The following MAP3K10 variants were observed in gnomAD, a reference collection of about 807,000 sequenced individuals.
The protein encoded by MAP3K10 is MKN28 derived nonreceptor_type serine/threonine kinase.
MAP3K10 carries 22 observed loss-of-function variants against 75.0 expected under a neutral mutation model. That is an observed-to-expected ratio of 0.29 (90% CI 0.21 to 0.42). The LOEUF (loss-of-function observed/expected upper bound fraction) is 0.42, where lower values mean the gene tolerates loss of function less well. Ranked by LOEUF, MAP3K10 falls within the 10% of genes least tolerant of loss-of-function variation. The probability of loss-of-function intolerance (pLI) is 1.00; values close to 1 mark genes in which losing one functional copy is unlikely to be tolerated. For synonymous variants in MAP3K10, 599 were observed against 612.9 expected (o/e 0.98, Z 0.34); for missense variants, 1,165 against 1,379.8 (o/e 0.84, Z 2.47).
intron 1 of MAP3K10, among the ~76,000 whole-genome samples, chr19:40,195,586 C>T (rs980570914): frequency 6.7e-6 from 1 of 149,494 alleles, no homozygotes; most frequent in African/African-American, 2.5e-5. Flanking sequence ...TTCCGCCTCC[C>T]GGGTTCAAGT....
chr19:40,206,316 C>A, intron 5 of MAP3K10, 159 bp downstream of exon 5: 1 of 838,330 alleles, frequency 1.2e-6, no homozygotes, highest in Non-Finnish European at 1.7e-6. Context: ...ACTTGTAGTC[C>A]CAGCCTACTC....
chr19:40,204,796 C>T lies in MAP3K10; in HGVS notation c.1012+163C>T. On this transcript the variant is annotated intron_variant, in intron 3 of 9. Coordinates refer to ENST00000253055, the MANE Select transcript of MAP3K10 (RefSeq NM_002446.4). This position sits in a 1 kb window ranked among gnomAD's most constrained non-coding sequence, Gnocchi z 4.3. ...TAAACAGCCTCCCCATGGTTGGCTC[C>T]ATCCCCCACATCCCAGCCCTTGTTT... 1.2e-6 allele frequency: 1 copy of T among 809,234 alleles called. No individual in the cohort carries two copies. Among genetic ancestry groups the T allele is most frequent in the Non-Finnish European group, 1.9e-6 (1 of 528,730 alleles). 50.1% of individuals were successfully genotyped at this position (809,234 alleles called of 1,614,324 possible).
intron 6 of MAP3K10, among the ~76,000 whole-genome samples, chr19:40,210,084 G>A (rs1325761649): frequency 2.0e-5 from 3 of 151,654 alleles, no homozygotes; most frequent in South Asian, 4.2e-4. Context: ...TGGCTAATAC[G>A]GTGAAACCCC....
chr19:40,205,897 C>T lies in MAP3K10; in HGVS notation c.1189-14C>T. The T allele has an allele frequency of 6.6e-7, 1 of 1,524,984 alleles. No homozygotes were observed. Among genetic ancestry groups the T allele is most frequent in the Middle Eastern group, 1.8e-4 (1 of 5,532 alleles). 94.5% of individuals were successfully genotyped at this position (1,524,984 alleles called of 1,614,324 possible). ...GCTAAGCCCCTCCCCCCAGCCACCG[C>T]CTCTCCTTCCCAGGAGCTTCGGAGC... is the stretch of plus-strand genomic sequence containing the variant. On this transcript the variant is annotated splice_polypyrimidine_tract_variant and intron_variant, in intron 4 of 9. Transcript: ENST00000253055. The surrounding 1 kb of genome is among the most constrained non-coding windows in gnomAD (Gnocchi z 4.3).
At position 40,192,472 on chromosome 19, in the gene MAP3K10, G is replaced by A. The variant is rs776243520; in HGVS notation, c.441G>A (p.Arg147=). ...CGGAGCAGGTGTGCCAGGAAGCCCG[G>A]CTCTTTGGAGCCCTGCAGCACCCCA... is the stretch of plus-strand genomic sequence containing the variant. ...VTAEQVCQEA[R]LFGALQHPNI... Residue 147 remains arginine (R), a synonymous_variant, in exon 1 of 10, where the codon CGG becomes CGA. Coordinates refer to ENST00000253055, the MANE Select transcript of MAP3K10 (RefSeq NM_002446.4). This position sits in a 1 kb window ranked among gnomAD's most constrained non-coding sequence, Gnocchi z 7.1. The A allele has an allele frequency of 3.7e-6, 6 of 1,613,820 alleles. No homozygotes were observed. Among genetic ancestry groups the A allele is most frequent in the Admixed American group, 1.7e-5 (1 of 60,000 alleles).
In MAP3K10 at chr19:40,205,795, A is replaced by AC. The variant is rs1446707946; in HGVS notation, c.1189-112dup. ...ATGAGTCGGGTGGTGAAACCAGTGT[A>AC]CCCCACAGCAAGGTACCCTTGTGTG... is the stretch of plus-strand genomic sequence containing the variant. On this transcript the variant is annotated intron_variant, in intron 4 of 9. Coordinates refer to ENST00000253055, the MANE Select transcript of MAP3K10 (RefSeq NM_002446.4). This position sits in a 1 kb window ranked among gnomAD's most constrained non-coding sequence, Gnocchi z 4.3. 8.7e-7 allele frequency: 1 copy of AC among 1,149,340 alleles called. No individual in the cohort carries two copies. Among genetic ancestry groups the AC allele is most frequent in the Non-Finnish European group, 1.2e-6 (1 of 846,934 alleles). The allele number at this position is 1,149,340 out of a possible 1,614,324, so 71.2% of individuals were successfully genotyped here. A position where few individuals can be genotyped will look rare whatever the true frequency, so the allele number is the denominator to read the frequency against.
rs373985627 is a variant in MAP3K10, at chr19:40,215,366, C to T, written c.*74C>T. 1.5e-5 allele frequency: 21 copies of T among 1,371,190 alleles called. No individual in the cohort carries two copies. The South Asian group carries it at 2.4e-4, about 15-fold the overall frequency. The allele number at this position is 1,371,190 out of a possible 1,614,324, so 84.9% of individuals were successfully genotyped here. ...GGCCCTGCCCCAGCCCGCCATGCCACAAGGTGGGGGAGGCCCTGGGCAGGA... is the reference window on the plus strand; with the variant it reads ...GGCCCTGCCCCAGCCCGCCATGCCATAAGGTGGGGGAGGCCCTGGGCAGGA... On this transcript the variant is annotated 3_prime_UTR_variant, in exon 10 of 10. Coordinates refer to ENST00000253055, the MANE Select transcript of MAP3K10 (RefSeq NM_002446.4).
chr19:40,191,954 C>T lies in MAP3K10; in HGVS notation c.-78C>T. On this transcript the variant is annotated 5_prime_UTR_variant, in exon 1 of 10. Coordinates refer to ENST00000253055, the MANE Select transcript of MAP3K10 (RefSeq NM_002446.4). Reference sequence around the variant, plus strand: ...ACCCCGCAGGGACTGCCCTCCATCCCGGCCGCCGGGGCCCGCCCTCTGCAT... The same window carrying T: ...ACCCCGCAGGGACTGCCCTCCATCCTGGCCGCCGGGGCCCGCCCTCTGCAT... The T allele has an allele frequency of 1.9e-6, 2 of 1,063,050 alleles. No homozygotes were observed. The allele number at this position is 1,063,050 out of a possible 1,614,324, so 65.9% of individuals were successfully genotyped here. A position where few individuals can be genotyped will look rare whatever the true frequency, so the allele number is the denominator to read the frequency against.
chr19:40,203,388 A>G (rs558933647), intron 2 of MAP3K10, among the ~76,000 whole-genome samples: 1 of 152,254 alleles, frequency 6.6e-6, no homozygotes, highest in East Asian at 1.9e-4. Flanking sequence ...TGGGGAGACC[A>G]GGGATCTACT....
Position 40,205,384 on chromosome 19 carries a change from C to A in MAP3K10, c.1188+88C>A. 7.0e-7 allele frequency: 1 copy of A among 1,429,700 alleles called. No homozygotes were observed. Among genetic ancestry groups the A allele is most frequent in the East Asian group, 2.3e-5 (1 of 42,758 alleles). 88.6% of individuals were successfully genotyped at this position (1,429,700 alleles called of 1,614,324 possible). ...TGCTCAGAGACTCCTCCCCTGAACC[C>A]CAGCCTTTGGGTCCATGCAGGGTCA... On this transcript the variant is annotated intron_variant, in intron 4 of 9. Coordinates refer to ENST00000253055, the MANE Select transcript of MAP3K10 (RefSeq NM_002446.4). This position sits in a 1 kb window ranked among gnomAD's most constrained non-coding sequence, Gnocchi z 4.3.
Position 40,214,028 on chromosome 19 carries a change from C to CCCCCCCCCCCCCCCCCCCCCCCCCA in MAP3K10, c.2349_2350insCCCCCCCCCCCCCCCCCCCCCCCCA (p.Thr784ProfsTer76). ...CCCCACCACCCTCCCCGCCCGCGCC[C>CCCCCCCCCCCCCCCCCCCCCCCCCA]ACACCCACGCCCTCGCCCAGCACCA... On this transcript the variant is annotated frameshift_variant, in exon 9 of 10. Transcript: ENST00000253055. LOFTEE classifies it high-confidence loss of function. The CCCCCCCCCCCCCCCCCCCCCCCCCA allele has an allele frequency of 6.6e-7, 1 of 1,525,620 alleles. No individual in the cohort carries two copies. Among genetic ancestry groups the CCCCCCCCCCCCCCCCCCCCCCCCCA allele is most frequent in the Admixed American group, 2.0e-5 (1 of 50,478 alleles). 94.5% of individuals were successfully genotyped at this position (1,525,620 alleles called of 1,614,324 possible).
chr19:40,210,562 G>T (rs1012054338), intron 6 of MAP3K10, among the ~76,000 whole-genome samples: 2 of 152,150 alleles, frequency 1.3e-5, no homozygotes, highest in African/African-American at 2.4e-5. Context: ...TTAGCTAGGC[G>T]TGGTGGCGCA....
At position 40,192,233 on chromosome 19, in the gene MAP3K10, G is replaced by C. The variant is rs773826241; in HGVS notation, c.202G>C (p.Val68Leu). ...GACCGGGCAGCTCCCCAGCGGCCGC[G>C]TGGGCGTCTTCCCCAGCAACTACGT... is the stretch of plus-strand genomic sequence containing the variant. The part of the protein sequence containing the change: ...WWTGQLPSGR[V>L]GVFPSNYVAP... The change falls in exon 1 of 10, where the codon GTG becomes CTG. Residue 68 changes from valine to leucine, a missense_variant. Transcript: ENST00000253055. The surrounding 1 kb of genome is among the most constrained non-coding windows in gnomAD (Gnocchi z 7.1). 1 of 1,604,642 alleles carries C rather than the reference G, an allele frequency of 6.2e-7. No homozygotes were observed. The highest frequency in any genetic ancestry group is 8.5e-7 in the Non-Finnish European group (1 of 1,177,244).
At position 40,205,264 on chromosome 19, in the gene MAP3K10, C is replaced by T; in HGVS notation, c.1156C>T (p.His386Tyr). Residue 386 changes from histidine (H) to tyrosine (Y), a missense_variant, in exon 4 of 10, where the codon CAC (histidine) becomes TAC (tyrosine). This residue lies in a region of MAP3K10 where 575 missense variants were observed against 793.2 expected (regional missense o/e 0.72). Coordinates refer to ENST00000253055, the MANE Select transcript of MAP3K10 (RefSeq NM_002446.4). This position sits in a 1 kb window ranked among gnomAD's most constrained non-coding sequence, Gnocchi z 4.3. The stretch of plus-strand genomic sequence containing the variant: ...GGAAGACTGGAAGCTGGAGATTCAG[C>T]ACATGTTTGATGACCTTCGGACCAA... ...LQEDWKLEIQ[H>Y]MFDDLRTKEK... is the part of the protein sequence containing the mutation. 6.2e-7 allele frequency: 1 copy of T among 1,614,078 alleles called. No homozygotes were observed. Among genetic ancestry groups the T allele is most frequent in the Non-Finnish European group, 8.5e-7 (1 of 1,180,028 alleles).
chr19:40,202,343 T>G (rs1973042160), intron 2 of MAP3K10, among the ~76,000 whole-genome samples: 1 of 152,138 alleles, frequency 6.6e-6, no homozygotes, highest in South Asian at 2.1e-4. Flanking sequence ...CCCGGCCTCA[T>G]TTTCTTACCC....
chr19:40,205,351 C>A lies in MAP3K10; in HGVS notation c.1188+55C>A. 1 of 1,578,994 alleles carries A rather than the reference C, an allele frequency of 6.3e-7. No individual in the cohort carries two copies. Among genetic ancestry groups the A allele is most frequent in the Non-Finnish European group, 8.7e-7 (1 of 1,152,902 alleles). On this transcript the variant is annotated intron_variant, in intron 4 of 9. Coordinates refer to ENST00000253055, the MANE Select transcript of MAP3K10 (RefSeq NM_002446.4). The surrounding 1 kb of genome is among the most constrained non-coding windows in gnomAD (Gnocchi z 4.3). ...GGAGCAAGACCCCTGAGTTCTGATG[C>A]CTTGGGCTGCTCAGAGACTCCTCCC...
rs750984604 is a variant in MAP3K10, at chr19:40,214,056, C to T, written c.2377C>T (p.Pro793Ser). 2.6e-6 allele frequency: 4 copies of T among 1,547,332 alleles called. No individual in the cohort carries two copies. In the African/African-American group the frequency reaches 5.5e-5, roughly 21 times the overall value. The change falls in exon 9 of 10, where the codon CCC becomes TCC. Residue 793 changes from proline to serine, a missense_variant. Physicochemically the swap from Pro to Ser is moderately conservative, Grantham distance 74. Coordinates refer to ENST00000253055, the MANE Select transcript of MAP3K10 (RefSeq NM_002446.4). ...ACCCACGCCCTCGCCCAGCACCAAC[C>T]CCCTGGTGGACCTGGAGCTGGAGAG... ...PTPTPSPSTN[P>S]LVDLELESFK...
At chr19:40,202,353 C>T (rs1257773318) in intron 2 of MAP3K10, among the ~76,000 whole-genome samples, 1 of 152,150 alleles carries the variant, frequency 6.6e-6, no homozygotes, top group Non-Finnish European at 1.5e-5. Flanking sequence ...TTTTCTTACC[C>T]ATGTTGTTTT....
chr19:40,213,344 C>T lies in MAP3K10; in HGVS notation c.1837+156C>T. The T allele has an allele frequency of 6.9e-7, 1 of 1,449,614 alleles. No homozygotes were observed. Among genetic ancestry groups the T allele is most frequent in the Non-Finnish European group, 9.0e-7 (1 of 1,106,054 alleles). The allele number at this position is 1,449,614 out of a possible 1,614,324, so 89.8% of individuals were successfully genotyped here. A position where few individuals can be genotyped will look rare whatever the true frequency, so the allele number is the denominator to read the frequency against. On this transcript the variant is annotated intron_variant, in intron 8 of 9. Transcript: ENST00000253055. The surrounding 1 kb of genome is among the most constrained non-coding windows in gnomAD (Gnocchi z 5.7). Reference sequence around the variant, plus strand: ...GCCCCTGGGGCGTGGGGGGTCATTTCCAGGGGCAGGGACCACCCTTCTCTG... The same window carrying T: ...GCCCCTGGGGCGTGGGGGGTCATTTTCAGGGGCAGGGACCACCCTTCTCTG...
Sources: allele counts gnomAD v4.1 joint callset (sites outside exome capture counted in the v4.1 genomes callset), GRCh38; gene constraint gnomAD v4.1.1; regional missense constraint gnomAD v4.1.1; non-coding constraint Gnocchi (gnomAD v3.1); transcripts MANE v1.5; gene names NCBI Gene and HGNC (gene_info 2026-07-23, HGNC 2026-07-21).